UGT8: variants seen among roughly 807,000 people sequenced by gnomAD.
The protein encoded by UGT8 is UDP glycosyltransferase 8, also known as 2-hydroxyacylsphingosine 1-beta-galactosyltransferase.
A neutral mutation model predicts 40.5 loss-of-function variants in UGT8; 12 were observed. The ratio of observed to expected loss-of-function variants is 0.30; its 90% CI spans 0.19 to 0.48. The LOEUF (loss-of-function observed/expected upper bound fraction) is 0.48, where lower values mean the gene tolerates loss of function less well. Among genes scored for constraint, UGT8 ranks in the 20% least tolerant of loss-of-function variants. The probability of loss-of-function intolerance (pLI) is 0.99; values close to 1 mark genes in which losing one functional copy is unlikely to be tolerated. For synonymous variants in UGT8, 224 were observed against 240.4 expected (o/e 0.93, Z 0.63); for missense variants, 513 against 648.7 (o/e 0.79, Z 2.27).
chr4:114,617,623 A>T (rs757816830), intron 1 of UGT8, among the ~76,000 whole-genome samples: 3 of 152,200 alleles, frequency 2.0e-5, no homozygotes, highest in Non-Finnish European at 4.4e-5. Context: ...GTATCCTAGA[A>T]GCCAAAAGAG....
At chr4:114,610,051 A>G (rs186138689) in intron 1 of UGT8, among the ~76,000 whole-genome samples, 16 of 152,322 alleles carry the variant, frequency 1.1e-4, no homozygotes, top group African/African-American at 2.6e-4. Flanking sequence ...AGGCTTTACA[A>G]AGACTGCTAT....
intron 2 of UGT8, among the ~76,000 whole-genome samples, chr4:114,633,497 A>G (rs1732705008): frequency 6.6e-6 from 1 of 152,208 alleles, no homozygotes; most frequent in African/African-American, 2.4e-5. Context: ...GGGGGCTGAG[A>G]AGCTGATGGC....
chr4:114,599,460 C>T (rs1036475307), intron 1 of UGT8, among the ~76,000 whole-genome samples: 1 of 152,116 alleles, frequency 6.6e-6, no homozygotes, highest in Admixed American at 6.5e-5. Flanking sequence ...CCCTTTACTC[C>T]GTCTTCCCCC....
chr4:114,611,106 A>G (rs568016324), intron 1 of UGT8, among the ~76,000 whole-genome samples: 1 of 152,070 alleles, frequency 6.6e-6, no homozygotes, highest in South Asian at 2.1e-4. Context: ...ATAAAAGAGA[A>G]TTATGAAGAG....
At chr4:114,621,586 A>G (rs1731793894) in intron 1 of UGT8, among the ~76,000 whole-genome samples, 1 of 152,172 alleles carries the variant, frequency 6.6e-6, no homozygotes, top group Admixed American at 6.6e-5. Flanking sequence ...TAAATAAGAG[A>G]CACGTGCTGA....
In UGT8 at chr4:114,640,124, G is replaced by A. The variant is rs545737051; in HGVS notation, c.822+16422G>A. ...CGGCTCACTGCAAGCTCCGCCTCCCGGGTTCACGCCATTCTCCTGCCTCAG... is the reference window on the plus strand; with the variant it reads ...CGGCTCACTGCAAGCTCCGCCTCCCAGGTTCACGCCATTCTCCTGCCTCAG... On this transcript the variant is annotated intron_variant, in intron 2 of 5. Coordinates refer to ENST00000310836, the MANE Select transcript of UGT8 (RefSeq NM_001128174.3). Among the ~76,000 whole-genome samples, 12 of 148,516 alleles carry A rather than the reference G, an allele frequency of 8.1e-5. No individual in the cohort carries two copies. In the South Asian group the frequency reaches 1.3e-3, roughly 16 times the overall value.
chr4:114,647,897 T>C (rs1733673334), intron 2 of UGT8, among the ~76,000 whole-genome samples: 4 of 152,180 alleles, frequency 2.6e-5, no homozygotes, highest in Admixed American at 2.6e-4. Flanking sequence ...TTCTTGACGG[T>C]TAATTGACAT....
intron 2 of UGT8, among the ~76,000 whole-genome samples, chr4:114,643,028 C>A (rs1264399174): frequency 6.6e-6 from 1 of 151,878 alleles, no homozygotes; most frequent in East Asian, 1.9e-4. Flanking sequence ...AGAACAAAGG[C>A]TTTTTTGGTT....
At chr4:114,618,583 A>G (rs1334841595) in intron 1 of UGT8, among the ~76,000 whole-genome samples, 1 of 152,180 alleles carries the variant, frequency 6.6e-6, no homozygotes, top group Non-Finnish European at 1.5e-5. Context: ...TTAATCTGCC[A>G]TTTTAAACTG....
At chr4:114,658,934 C>T (rs1560702259) in intron 2 of UGT8, among the ~76,000 whole-genome samples, 2 of 152,094 alleles carry the variant, frequency 1.3e-5, no homozygotes, top group Admixed American at 6.6e-5. Flanking sequence ...TGGTACATTG[C>T]TTAGCTTCTG....
chr4:114,600,159 C>CA lies in UGT8; in HGVS notation c.-3+1188dup, dbSNP rs565031539. 1.9e-3 allele frequency among the ~76,000 whole-genome samples: 288 copies of CA among 152,044 alleles called. 2 individuals are homozygous for CA. Among genetic ancestry groups the CA allele is most frequent in the Non-Finnish European group, 1.6e-3 (109 of 67,988 alleles). ...CAAGGGAAGGAGTGGGTGGCGGTATCAAACCAGGCGTGCTCTGGAGAATCA... is the reference window on the plus strand; with the variant it reads ...CAAGGGAAGGAGTGGGTGGCGGTATCAAAACCAGGCGTGCTCTGGAGAATCA... On this transcript the variant is annotated intron_variant, in intron 1 of 5. Transcript: ENST00000310836.
chr4:114,604,735 ATATTTGTTG>A (rs1376391134), intron 1 of UGT8, among the ~76,000 whole-genome samples: 5 of 152,264 alleles, frequency 3.3e-5, no homozygotes, highest in African/African-American at 1.2e-4. Context: ...CATATAATAA[ATATTTGTTG>A]TCCCAATACA....
rs76666125 is a variant in UGT8, at chr4:114,661,851, T to G, written c.823-2144T>G. On this transcript the variant is annotated intron_variant, in intron 2 of 5. Coordinates refer to ENST00000310836, the MANE Select transcript of UGT8 (RefSeq NM_001128174.3). ...GAAACATGATGAATATAATTTTTTC[T>G]ACTCTTTCACGTATCAGTAAAGGCT... is the stretch of plus-strand genomic sequence containing the variant. 3.7e-3 allele frequency among the ~76,000 whole-genome samples: 569 copies of G among 152,352 alleles called. 3 individuals are homozygous for G. The highest frequency in any genetic ancestry group is 0.013 in the African/African-American group (538 of 41,596).
intron 1 of UGT8, among the ~76,000 whole-genome samples, chr4:114,606,847 A>G (rs941412313): frequency 6.6e-6 from 1 of 152,210 alleles, no homozygotes; most frequent in Non-Finnish European, 1.5e-5. Context: ...TGGGTGTGTT[A>G]TAGCAGGAAA....
intron 3 of UGT8, among the ~76,000 whole-genome samples, chr4:114,664,921 G>A (rs1734760928): frequency 2.6e-5 from 4 of 152,190 alleles, no homozygotes; most frequent in African/African-American, 9.7e-5. Context: ...TAGCAAATGA[G>A]TAAGGATTAG....
intron 1 of UGT8, among the ~76,000 whole-genome samples, chr4:114,602,085 A>G (rs1325611042): frequency 6.6e-6 from 1 of 152,052 alleles, no homozygotes; most frequent in Non-Finnish European, 1.5e-5. Context: ...GTTTTAATGT[A>G]CCTTTTATAG....
intron 5 of UGT8, 73 bp downstream of exon 5, chr4:114,668,377 A>G: frequency 8.3e-7 from 1 of 1,209,626 alleles, no homozygotes; most frequent in African/African-American, 1.5e-5. Context: ...AATTATTTTC[A>G]ATAGATTGTC....
intron 2 of UGT8, among the ~76,000 whole-genome samples, chr4:114,649,909 T>G (rs909576772): frequency 6.6e-6 from 1 of 152,228 alleles, no homozygotes; most frequent in Non-Finnish European, 1.5e-5. Context: ...TTTTTCACTT[T>G]GAGAAGTACT....
At chr4:114,611,560 T>C (rs1166694436) in intron 1 of UGT8, among the ~76,000 whole-genome samples, 1 of 137,992 alleles carries the variant, frequency 7.2e-6, no homozygotes, top group Non-Finnish European at 1.6e-5. Context: ...CACACACAGA[T>C]GTTAGAAGAC....
Sources: allele counts gnomAD v4.1 joint callset (sites outside exome capture counted in the v4.1 genomes callset), GRCh38; gene constraint gnomAD v4.1.1; transcripts MANE v1.5; gene names NCBI Gene and HGNC (gene_info 2026-07-23, HGNC 2026-07-21).